The following TENM3 variants were observed in gnomAD, a reference collection of about 807,000 sequenced individuals.
TENM3 encodes teneurin transmembrane protein 3.
In TENM3, 63 loss-of-function variants were observed where a neutral mutation model predicts 255.1. The observed-to-expected ratio is 0.25, with a 90% CI of 0.20 to 0.30. TENM3 has a LOEUF of 0.30. TENM3 is among the 10% of genes least tolerant of loss of function. The pLI, the probability that TENM3 is intolerant of heterozygous loss-of-function variation, is 1.00. For missense variants in TENM3, 2,929 were observed against 3,461.1 expected, an observed-to-expected ratio of 0.85 and a Z score of 3.86; for synonymous variants, 1,306 against 1,322.3, an observed-to-expected ratio of 0.99 and a Z score of 0.27.
intron 3 of TENM3, among the ~76,000 whole-genome samples, chr4:182,598,729 G>A (rs1747531980): frequency 6.6e-6 from 1 of 152,188 alleles, no homozygotes; most frequent in African/African-American, 2.4e-5. Flanking sequence ...ATGGCTAAGT[G>A]TGTGATGAAT....
At chr4:181,510,230 A>AT in the TENM3 span, among the ~76,000 whole-genome samples, 1 of 152,044 alleles carries the variant, frequency 6.6e-6, no homozygotes, top group Non-Finnish European at 1.5e-5. Flanking sequence ...TTTTTGAATT[A>AT]TTTTTTTCTT....
At chr4:182,335,822 G>A (rs7669582) in intron 2 of TENM3, among the ~76,000 whole-genome samples, 136,832 of 152,228 alleles carry the variant, frequency 0.9, 61,735 homozygotes, top group South Asian at 0.95. Context: ...CTGAATGACT[G>A]TTACAGTTTG....
the TENM3 span, among the ~76,000 whole-genome samples, chr4:182,087,894 C>T: frequency 6.6e-6 from 1 of 152,194 alleles, no homozygotes; most frequent in African/African-American, 2.4e-5. Context: ...TCAGAAAGAA[C>T]TTGAGGACAG....
intron 3 of TENM3, among the ~76,000 whole-genome samples, chr4:182,525,117 C>T (rs1466612995): frequency 6.6e-6 from 1 of 152,122 alleles, no homozygotes; most frequent in African/African-American, 2.4e-5. Context: ...TTCATAGTCA[C>T]AGAGGTGGGC....
At chr4:182,332,588 G>T (rs150474015) in intron 2 of TENM3, among the ~76,000 whole-genome samples, 1 of 152,132 alleles carries the variant, frequency 6.6e-6, no homozygotes, top group East Asian at 1.9e-4. Flanking sequence ...CAGCTACTTG[G>T]GAGGCTGGGG....
At chr4:182,498,817 T>C (rs1184418926) in intron 3 of TENM3, among the ~76,000 whole-genome samples, 1 of 151,864 alleles carries the variant, frequency 6.6e-6, no homozygotes, top group Non-Finnish European at 1.5e-5. Context: ...ATTGTGCCAT[T>C]GCACTCCATC....
the TENM3 span, among the ~76,000 whole-genome samples, chr4:181,769,852 A>G: frequency 6.6e-6 from 1 of 152,216 alleles, no homozygotes; most frequent in Non-Finnish European, 1.5e-5. Context: ...TGTGGAGATT[A>G]TCTTTATAAT....
intron 3 of TENM3, among the ~76,000 whole-genome samples, chr4:182,518,181 AC>A (rs1738199503): frequency 6.6e-6 from 1 of 152,164 alleles, no homozygotes; most frequent in African/African-American, 2.4e-5. Context: ...AATCAGGTAC[AC>A]CCTGGAAACA....
At chr4:182,046,549 AAAT>A in the TENM3 span, among the ~76,000 whole-genome samples, 95,858 of 142,892 alleles carry the variant, frequency 0.67, 33,267 homozygotes, top group Admixed American at 0.77. Context: ...ACAAAAAACT[AAAT>A]AATAATAATA....
At chr4:182,234,546 T>G (rs1188747652) in intron 1 of TENM3, among the ~76,000 whole-genome samples, 1 of 152,152 alleles carries the variant, frequency 6.6e-6, no homozygotes, top group Non-Finnish European at 1.5e-5. Flanking sequence ...CAGCTTGACC[T>G]ACATAGTGAA....
the TENM3 span, among the ~76,000 whole-genome samples, chr4:181,756,182 T>C: frequency 1.8e-4 from 27 of 152,164 alleles, no homozygotes; most frequent in Non-Finnish European, 2.9e-4. Context: ...TCTTTTCCCA[T>C]ATGCTTTGTC....
the TENM3 span, among the ~76,000 whole-genome samples, chr4:181,630,744 T>C: frequency 2.6e-5 from 4 of 152,078 alleles, no homozygotes; most frequent in Non-Finnish European, 5.9e-5. Flanking sequence ...TGCTGAGGAG[T>C]GCTTTACCTC....
chr4:182,385,262 C>T (rs866389143), intron 3 of TENM3, among the ~76,000 whole-genome samples: 6 of 112,096 alleles, frequency 5.4e-5, no homozygotes, highest in African/African-American at 6.9e-5. Flanking sequence ...TATTGTGCGT[C>T]TTTTTTTTTT....
chr4:182,062,413 G>C, the TENM3 span, among the ~76,000 whole-genome samples: 4 of 152,140 alleles, frequency 2.6e-5, no homozygotes, highest in African/African-American at 9.7e-5. Context: ...ATCCATCAAT[G>C]CGTCTCCACA....
At chr4:181,465,889 G>A in the TENM3 span, among the ~76,000 whole-genome samples, 1 of 152,192 alleles carries the variant, frequency 6.6e-6, no homozygotes, top group Non-Finnish European at 1.5e-5. Flanking sequence ...TTTAGGTCCC[G>A]CCGTGCCACT....
At chr4:182,478,773 G>T (rs977548448) in intron 3 of TENM3, among the ~76,000 whole-genome samples, 1 of 151,482 alleles carries the variant, frequency 6.6e-6, no homozygotes, top group Non-Finnish European at 1.5e-5. Flanking sequence ...AAATCTTTAT[G>T]GATTATACTT....
intron 4 of TENM3, among the ~76,000 whole-genome samples, chr4:182,619,110 A>G (rs1477709619): frequency 1.3e-5 from 2 of 152,138 alleles, no homozygotes; most frequent in Non-Finnish European, 1.5e-5. Flanking sequence ...CCATAGAGGT[A>G]TACATCATGG....
the TENM3 span, among the ~76,000 whole-genome samples, chr4:181,941,517 C>T: frequency 1.3e-5 from 2 of 152,216 alleles, no homozygotes; most frequent in South Asian, 4.1e-4. Context: ...TTCTTAGATC[C>T]ACCCATTCTT....
intron 19 of TENM3, among the ~76,000 whole-genome samples, chr4:182,751,057 A>G (rs1305763375): frequency 6.6e-6 from 1 of 152,182 alleles, no homozygotes; most frequent in Non-Finnish European, 1.5e-5. Flanking sequence ...GCATTTCTTT[A>G]TATTTATAAA....
Sources: gnomAD v4.1 joint callset for allele counts (sites outside exome capture counted in the v4.1 genomes callset) on GRCh38, gnomAD v4.1.1 for gene constraint, MANE v1.5 for transcripts, NCBI Gene and HGNC (gene_info 2026-07-23, HGNC 2026-07-21) for gene names.